Variants in AFF2 observed in about 807,000 individuals in gnomAD.
AFF2 encodes the protein AF4/FMR2 family member 2.
Under a neutral mutation model 76.9 loss-of-function variants are expected in AFF2, and 14 were observed. The ratio of observed to expected loss-of-function variants is 0.18; its 90% CI spans 0.12 to 0.28. The LOEUF (loss-of-function observed/expected upper bound fraction) is 0.28. AFF2 is among the 10% of genes least tolerant of loss of function. The pLI is 1.00. For missense variants in AFF2, 868 were observed against 1,001.1 expected (o/e 0.87, Z 1.79); for synonymous variants, 398 against 366.7 (o/e 1.09, Z -0.98).
chrX:148,663,357 T>C (rs2054327089), intron 3 of AFF2, among the ~76,000 whole-genome samples: 1 of 112,388 alleles, frequency 8.9e-6, no homozygotes, highest in African/African-American at 3.2e-5. Context: ...CCTCCACAGG[T>C]ATCTACATAG....
chrX:148,771,639 C>T (rs571572777), intron 3 of AFF2, among the ~76,000 whole-genome samples: 9 of 112,137 alleles, frequency 8.0e-5, no homozygotes, highest in African/African-American at 2.9e-4. Context: ...TATGTTTTCT[C>T]CTCTCACACC....
intron 3 of AFF2, among the ~76,000 whole-genome samples, chrX:148,798,583 AAG>A (rs2070016722): frequency 8.9e-6 from 1 of 112,461 alleles, no homozygotes. Flanking sequence ...TTAGTTCATT[AAG>A]AGTTTATTTT....
chrX:148,734,013 G>T (rs2055256904), intron 3 of AFF2, among the ~76,000 whole-genome samples: 1 of 112,326 alleles, frequency 8.9e-6, no homozygotes. Context: ...TAGTGGTGAG[G>T]GACCAGAAGC....
intron 9 of AFF2, among the ~76,000 whole-genome samples, chrX:148,917,278 G>A (rs972853679): frequency 3.6e-5 from 4 of 112,083 alleles, no homozygotes; most frequent in African/African-American, 9.7e-5. Flanking sequence ...GGAGGCACAG[G>A]AGTGAAGATG....
intron 3 of AFF2, among the ~76,000 whole-genome samples, chrX:148,698,458 CATA>C (rs1402933294): frequency 1.8e-5 from 2 of 112,517 alleles, no homozygotes; most frequent in East Asian, 5.6e-4. Flanking sequence ...AAGCTGAATT[CATA>C]ATGTTTCTCA....
At chrX:148,728,007 G>A (rs782051976) in intron 3 of AFF2, among the ~76,000 whole-genome samples, 9 of 112,287 alleles carry the variant, frequency 8.0e-5, no homozygotes, top group Non-Finnish European at 1.5e-4. Flanking sequence ...AGAGCCATTA[G>A]AACAGGGAAA....
At chrX:148,611,464 C>T (rs2053732051) in intron 1 of AFF2, among the ~76,000 whole-genome samples, 1 of 111,912 alleles carries the variant, frequency 8.9e-6, no homozygotes, top group Non-Finnish European at 1.9e-5. Flanking sequence ...ATTTATTTTC[C>T]CACAGTCCTG....
At chrX:148,753,004 T>C (rs2055520168) in intron 3 of AFF2, among the ~76,000 whole-genome samples, 1 of 111,333 alleles carries the variant, frequency 9.0e-6, no homozygotes, top group Admixed American at 9.6e-5. Context: ...GGACACATCA[T>C]GCCCCTTTGC....
intron 3 of AFF2, among the ~76,000 whole-genome samples, chrX:148,758,624 T>G (rs2069403806): frequency 8.9e-6 from 1 of 112,016 alleles, no homozygotes; most frequent in Admixed American, 9.5e-5. Context: ...CACTTATCAT[T>G]AATTTTTAAA....
At chrX:148,987,620 G>A in intron 20 of AFF2, 63 bp downstream of exon 20, 1 of 995,415 alleles carries the variant, frequency 1.0e-6, no homozygotes, top group South Asian at 2.3e-5. Context: ...TCACTTTGAA[G>A]GACTTGAGTT....
chrX:148,742,638 A>T (rs2055369781), intron 3 of AFF2, among the ~76,000 whole-genome samples: 1 of 111,986 alleles, frequency 8.9e-6, no homozygotes, highest in South Asian at 3.7e-4. Context: ...GAATCCCTAA[A>T]ATTCTACCAC....
rs187516774 is a variant in AFF2, at chrX:148,513,034, C to T, written c.47+11890C>T. Among the ~76,000 whole-genome samples, 87 of 111,843 alleles carry T rather than the reference C, an allele frequency of 7.8e-4. 2 individuals are homozygous for T. Among genetic ancestry groups the T allele is most frequent in the African/African-American group, 2.3e-3 (70 of 30,757 alleles). On this transcript the variant is annotated intron_variant, in intron 1 of 20. Coordinates refer to ENST00000370460, the MANE Select transcript of AFF2 (RefSeq NM_002025.4). ...TGAGGCACATAGAAGGGTTTAAAGA[C>T]GTTGCTACTCTAAATATATCATTAG...
intron 9 of AFF2, among the ~76,000 whole-genome samples, chrX:148,931,838 C>T (rs1382997766): frequency 8.9e-6 from 1 of 112,094 alleles, no homozygotes; most frequent in African/African-American, 3.2e-5. Flanking sequence ...ACAGTCTGTT[C>T]GGTCTTAAAT....
At chrX:148,855,154 A>AG (rs2070773196) in intron 7 of AFF2, among the ~76,000 whole-genome samples, 1 of 111,560 alleles carries the variant, frequency 9.0e-6, no homozygotes, top group Admixed American at 9.5e-5. Context: ...CAGTACCTTG[A>AG]GGGGTAGTTC....
At chrX:148,565,708 T>G (rs2053162233) in intron 1 of AFF2, among the ~76,000 whole-genome samples, 2 of 111,105 alleles carry the variant, frequency 1.8e-5, no homozygotes. Context: ...TCATTGACAT[T>G]CCACACAATC....
intron 9 of AFF2, among the ~76,000 whole-genome samples, chrX:148,928,638 G>A (rs918465949): frequency 1.3e-4 from 14 of 111,976 alleles, no homozygotes; most frequent in Non-Finnish European, 2.3e-4. Context: ...CCCTGCTTTG[G>A]GGAGCCCATA....
chrX:148,879,402 T>G, intron 7 of AFF2, among the ~76,000 whole-genome samples: 1 of 112,271 alleles, frequency 8.9e-6, no homozygotes, highest in East Asian at 2.8e-4. Flanking sequence ...TTTTAAGCTT[T>G]GTTCCTGCAA....
At chrX:148,860,973 T>C (rs1383342607) in intron 7 of AFF2, among the ~76,000 whole-genome samples, 1 of 111,576 alleles carries the variant, frequency 9.0e-6, no homozygotes, top group South Asian at 3.7e-4. Flanking sequence ...AAAGCATTAA[T>C]TTCAGACTTT....
chrX:148,717,215 G>A (rs1238857299), intron 3 of AFF2, among the ~76,000 whole-genome samples: 1 of 111,933 alleles, frequency 8.9e-6, no homozygotes, highest in African/African-American at 3.2e-5. Context: ...CCATACAGTG[G>A]AATATTATTC....
Sources: gnomAD v4.1 joint callset for allele counts (sites outside exome capture counted in the v4.1 genomes callset) on GRCh38, gnomAD v4.1.1 for gene constraint, MANE v1.5 for transcripts, NCBI Gene and HGNC (gene_info 2026-07-23, HGNC 2026-07-21) for gene names.